The following MGAT4C variants were observed in gnomAD, a reference collection of about 807,000 sequenced individuals.
The protein encoded by MGAT4C is MGAT4 family member C.
Under a neutral mutation model 40.1 loss-of-function variants are expected in MGAT4C, and 19 were observed. The ratio of observed to expected loss-of-function variants is 0.47; its 90% confidence interval spans 0.33 to 0.70. The LOEUF (loss-of-function observed/expected upper bound fraction) is 0.70. Ranked by LOEUF, MGAT4C falls within the 30% of genes least tolerant of loss-of-function variation. MGAT4C has a pLI of 0.02. For synonymous variants in MGAT4C, 181 were observed against 187.1 expected, an observed-to-expected ratio of 0.97 and a Z score of 0.27; for missense variants, 491 against 563.2, an observed-to-expected ratio of 0.87 and a Z score of 1.30.
At chr12:86,012,781 C>A (rs11117158) in intron 2 of MGAT4C, among the ~76,000 whole-genome samples, 10,672 of 96,940 alleles carry the variant, frequency 0.11, 480 homozygotes, top group East Asian at 0.31. Flanking sequence ...CAACAACAAC[C>A]ACCACCACCA....
intron 2 of MGAT4C, among the ~76,000 whole-genome samples, chr12:86,610,062 T>C (rs1031253967): frequency 1.3e-5 from 2 of 152,190 alleles, no homozygotes; most frequent in Admixed American, 6.5e-5. Flanking sequence ...TTGAACTATT[T>C]AACATTTAGA....
At chr12:86,170,091 C>T (rs1362770913) in intron 1 of MGAT4C, among the ~76,000 whole-genome samples, 1 of 152,032 alleles carries the variant, frequency 6.6e-6, no homozygotes, top group Admixed American at 6.6e-5. Context: ...CTTTTTACTC[C>T]CAGATGTGTG....
intron 1 of MGAT4C, among the ~76,000 whole-genome samples, chr12:86,236,714 C>T (rs577394529): frequency 6.6e-6 from 1 of 151,806 alleles, no homozygotes; most frequent in East Asian, 1.9e-4. Context: ...TAATTGCAAG[C>T]AGATATAGTT....
intron 1 of MGAT4C, among the ~76,000 whole-genome samples, chr12:86,153,454 T>C (rs1452112392): frequency 6.6e-6 from 1 of 152,212 alleles, no homozygotes; most frequent in African/African-American, 2.4e-5. Flanking sequence ...CAGTTATAAG[T>C]TACGAAAACA....
Position 86,325,856 on chromosome 12 carries a change from A to C in MGAT4C, c.-57+8209T>G, listed in dbSNP as rs182973146. Among the ~76,000 whole-genome samples the C allele has an allele frequency of 5.3e-5, 8 of 150,568 alleles. No homozygotes were observed. The East Asian group carries it at 1.4e-3, about 26-fold the overall frequency. On this transcript the variant is annotated intron_variant, in intron 4 of 7. Coordinates refer to the MGAT4C transcript ENST00000548651. ...CATACCACTGCACTCTTGCCTGGGC[A>C]ACAGACTGAGACCCTGTCTCCAAAA... is the stretch of plus-strand genomic sequence containing the variant.
At chr12:86,809,537 C>T (rs1270743792) in intron 1 of MGAT4C, among the ~76,000 whole-genome samples, 1 of 151,580 alleles carries the variant, frequency 6.6e-6, no homozygotes, top group Non-Finnish European at 1.5e-5. Context: ...GCATCTTCCC[C>T]TGCATTTGGT....
intron 2 of MGAT4C, among the ~76,000 whole-genome samples, chr12:86,556,521 T>C (rs1341081104): frequency 6.6e-6 from 1 of 152,184 alleles, no homozygotes; most frequent in African/African-American, 2.4e-5. Context: ...TTTGTGTAAA[T>C]ATTCTTCCAG....
At chr12:86,820,184 AT>A (rs922435033) in intron 1 of MGAT4C, among the ~76,000 whole-genome samples, 40 of 150,916 alleles carry the variant, frequency 2.7e-4, no homozygotes, top group African/African-American at 9.4e-4. Context: ...AAATATATGT[AT>A]TTTTTCTACC....
At chr12:86,800,834 C>A (rs1952212398) in intron 1 of MGAT4C, among the ~76,000 whole-genome samples, 1 of 151,850 alleles carries the variant, frequency 6.6e-6, no homozygotes, top group Admixed American at 6.6e-5. Flanking sequence ...TAGGCCCCAA[C>A]CTCTGGATTT....
chr12:86,025,157 C>T (rs1373102241), intron 2 of MGAT4C, among the ~76,000 whole-genome samples: 1 of 151,402 alleles, frequency 6.6e-6, no homozygotes, highest in Non-Finnish European at 1.5e-5. Flanking sequence ...ACCAATATTT[C>T]AGCTTATCTT....
At position 85,973,833 on chromosome 12, in the gene MGAT4C, T is replaced by C. The variant is rs891764423; in HGVS notation, c.*5456A>G. On this transcript the variant is annotated 3_prime_UTR_variant, in exon 5 of 5. Transcript: ENST00000611864. ...TGCTTTGGTCTCAAATCCATGTTTT[T>C]CAGAAAAGATATTCAGATCCAGTTA... The C allele has an allele frequency of 3.3e-5, 5 of 150,842 alleles. No individual in the cohort carries two copies. The highest frequency in any genetic ancestry group is 1.2e-4 in the African/African-American group (5 of 41,312). The allele number at this position is 150,842 out of a possible 1,614,324, so 9.3% of individuals were successfully genotyped here.
At chr12:86,067,715 G>A (rs1175372768) in intron 1 of MGAT4C, among the ~76,000 whole-genome samples, 1 of 151,904 alleles carries the variant, frequency 6.6e-6, no homozygotes, top group Non-Finnish European at 1.5e-5. Flanking sequence ...AAAAAAAAGA[G>A]ACAGTGAAAG....
chr12:86,821,151 A>G (rs1952698231), intron 1 of MGAT4C, among the ~76,000 whole-genome samples: 1 of 150,942 alleles, frequency 6.6e-6, no homozygotes, highest in South Asian at 2.1e-4. Flanking sequence ...TGTATGTAAT[A>G]CATGCAGAGA....
intron 2 of MGAT4C, among the ~76,000 whole-genome samples, chr12:86,047,745 A>C (rs1892533779): frequency 6.6e-6 from 1 of 152,112 alleles, no homozygotes. Context: ...CTTATTAAAG[A>C]TCTGAGATCT....
chr12:85,998,636 G>A (rs1274992273), intron 2 of MGAT4C, among the ~76,000 whole-genome samples: 1 of 152,080 alleles, frequency 6.6e-6, no homozygotes, highest in Admixed American at 6.5e-5. Context: ...ATAAAATGCT[G>A]CCAGTCTCTT....
At chr12:86,272,226 T>C (rs1952968599) in intron 4 of MGAT4C, among the ~76,000 whole-genome samples, 1 of 152,164 alleles carries the variant, frequency 6.6e-6, no homozygotes, top group Non-Finnish European at 1.5e-5. Flanking sequence ...ATAAAAAAAT[T>C]ATTTATTCGT....
At chr12:86,159,148 A>G (rs1300670433) in intron 1 of MGAT4C, among the ~76,000 whole-genome samples, 1 of 152,138 alleles carries the variant, frequency 6.6e-6, no homozygotes, top group Non-Finnish European at 1.5e-5. Context: ...TTACTCATCC[A>G]GTATGATGTA....
intron 1 of MGAT4C, among the ~76,000 whole-genome samples, chr12:86,200,843 C>T (rs534284100): frequency 6.6e-6 from 1 of 152,244 alleles, no homozygotes; most frequent in African/African-American, 2.4e-5. Flanking sequence ...AAGTCTTAAT[C>T]TAATAAAACT....
chr12:86,764,642 C>A (rs993296467), intron 1 of MGAT4C, among the ~76,000 whole-genome samples: 4 of 150,930 alleles, frequency 2.7e-5, no homozygotes, highest in East Asian at 2.0e-4. Flanking sequence ...ACACCTCACA[C>A]GGCCGGGTAC....
Sources: gnomAD v4.1 joint callset for allele counts (sites outside exome capture counted in the v4.1 genomes callset) on GRCh38, gnomAD v4.1.1 for gene constraint, MANE v1.5 for transcripts, NCBI Gene and HGNC (gene_info 2026-07-23, HGNC 2026-07-21) for gene names.